GRAP2: variants seen among roughly 807,000 people sequenced by gnomAD.
GRAP2 encodes GRB2 related adaptor protein 2, also known as GRB2-related adapter protein 2.
GRAP2 carries 31 observed loss-of-function variants against 43.5 expected under a neutral mutation model. The observed-to-expected ratio is 0.71, with a 90% CI of 0.54 to 0.96. The LOEUF (loss-of-function observed/expected upper bound fraction) is 0.96. Ranked by LOEUF, GRAP2 falls within the 40% of genes least tolerant of loss-of-function variation. GRAP2 has a pLI of 0.00. For missense variants in GRAP2, 371 were observed against 424.4 expected, an observed-to-expected ratio of 0.87 and a Z score of 1.11; for synonymous variants, 156 against 164.8, an observed-to-expected ratio of 0.95 and a Z score of 0.41.
intron 5 of GRAP2, among the ~76,000 whole-genome samples, chr22:39,966,952 C>T (rs140880503): frequency 6.6e-6 from 1 of 151,900 alleles, no homozygotes; most frequent in African/African-American, 2.4e-5. Flanking sequence ...ACACTAAGAA[C>T]ATGTTAACTT....
intron 1 of GRAP2, among the ~76,000 whole-genome samples, chr22:39,938,143 C>G (rs952080806): frequency 4.6e-5 from 7 of 152,170 alleles, no homozygotes; most frequent in Admixed American, 2.0e-4. Flanking sequence ...AGTCTCCTGA[C>G]TTGTCTTCTT....
At chr22:39,970,432 T>A (rs1485630892) in intron 7 of GRAP2, among the ~76,000 whole-genome samples, 1 of 152,140 alleles carries the variant, frequency 6.6e-6, no homozygotes, top group Non-Finnish European at 1.5e-5. Context: ...AGGGCTGTTG[T>A]TTGGGGCATG....
At chr22:39,900,576 AAG>A, upstream of GRAP2, among the ~76,000 whole-genome samples, 1 of 152,356 alleles carries the variant, frequency 6.6e-6, no homozygotes, top group African/African-American at 2.4e-5. Flanking sequence ...CCTTCAGTCT[AAG>A]ACTCAACAGA....
chr22:39,955,035 G>T (rs1317105075), intron 2 of GRAP2, among the ~76,000 whole-genome samples: 1 of 152,182 alleles, frequency 6.6e-6, no homozygotes, highest in Non-Finnish European at 1.5e-5. Flanking sequence ...GTTTTAATCT[G>T]CCTGTTTAAA....
chr22:39,971,217 A>G lies in GRAP2; in HGVS notation c.*133A>G. On this transcript the variant is annotated 3_prime_UTR_variant, in exon 8 of 8. Coordinates refer to ENST00000344138, the MANE Select transcript of GRAP2 (RefSeq NM_004810.4). The stretch of plus-strand genomic sequence containing the variant: ...CCTGTGTACACACACAACTTTTTAT[A>G]CTAGTAATTTATTGGCAATTGGGCT... The G allele has an allele frequency of 1.6e-6, 1 of 642,076 alleles. No homozygotes were observed. 39.8% of individuals were successfully genotyped at this position (642,076 alleles called of 1,614,324 possible).
intron 1 of GRAP2, among the ~76,000 whole-genome samples, chr22:39,916,228 C>T (rs1361959128): frequency 2.6e-5 from 4 of 152,254 alleles, no homozygotes; most frequent in Non-Finnish European, 4.4e-5. Context: ...CTGCCACAGC[C>T]CCCTCCCCCA....
At chr22:39,912,473 C>G (rs1352516156) in intron 1 of GRAP2, among the ~76,000 whole-genome samples, 1 of 152,082 alleles carries the variant, frequency 6.6e-6, no homozygotes. Context: ...AGGGGTTCTC[C>G]CCCACTCCCA....
chr22:39,970,515 A>C (rs554105658), intron 7 of GRAP2, among the ~76,000 whole-genome samples: 1 of 152,168 alleles, frequency 6.6e-6, no homozygotes. Flanking sequence ...CAGGGAGTCT[A>C]TTGGGGCTTT....
At chr22:39,939,735 C>A (rs1198907941) in intron 1 of GRAP2, among the ~76,000 whole-genome samples, 2 of 152,158 alleles carry the variant, frequency 1.3e-5, no homozygotes, top group East Asian at 3.9e-4. Context: ...ATGGCGAAAC[C>A]CCATCTCTAC....
intron 4 of GRAP2, chr22:39,964,566 A>T (rs1481613386): frequency 1.2e-6 from 1 of 817,626 alleles, no homozygotes; most frequent in Non-Finnish European, 2.2e-6. Flanking sequence ...CTGGCAAAAA[A>T]TAAGCTGTTC....
chr22:39,973,609 T>G lies in GRAP2; in HGVS notation c.*2525T>G, dbSNP rs1012326199. The G allele has an allele frequency of 1.3e-5, 2 of 152,254 alleles. No individual in the cohort carries two copies. The highest frequency in any genetic ancestry group is 4.8e-5 in the African/African-American group (2 of 41,446). The allele number at this position is 152,254 out of a possible 1,614,324, so 9.4% of individuals were successfully genotyped here. A position where few individuals can be genotyped will look rare whatever the true frequency, so the allele number is the denominator to read the frequency against. On this transcript the variant is annotated 3_prime_UTR_variant, in exon 8 of 8. Coordinates refer to ENST00000344138, the MANE Select transcript of GRAP2 (RefSeq NM_004810.4). ...AGTCACCCAAACCACCTACAAGGAATGAGGGCTCTTAGCGGCCAGGTAAAG... is the reference window on the plus strand; with the variant it reads ...AGTCACCCAAACCACCTACAAGGAAGGAGGGCTCTTAGCGGCCAGGTAAAG...
intron 1 of GRAP2, among the ~76,000 whole-genome samples, chr22:39,904,976 GGT>G (rs2066513962): frequency 6.6e-6 from 1 of 152,004 alleles, no homozygotes. Context: ...TTTTTTGCAA[GGT>G]GCCACTGGGT....
rs778529306 is a variant in GRAP2, at chr22:39,955,836, G to A, written c.96G>A (p.Glu32=). The change falls in exon 3 of 8, where the codon GAG becomes GAA. Residue 32 remains glutamate, a synonymous_variant. Coordinates refer to ENST00000344138, the MANE Select transcript of GRAP2 (RefSeq NM_004810.4). ...GDVLKILSNQ[E]EWFKAELGSQ... Reference sequence around the variant, plus strand: ...CCATGTAGATTTTAAGTAACCAAGAGGAGTGGTTTAAGGCGGAGCTTGGGA... The same window carrying A: ...CCATGTAGATTTTAAGTAACCAAGAAGAGTGGTTTAAGGCGGAGCTTGGGA... 4.5e-6 allele frequency: 7 copies of A among 1,559,424 alleles called. No homozygotes were observed. In the Admixed American group the frequency reaches 1.0e-4, roughly 22 times the overall value.
intron 1 of GRAP2, among the ~76,000 whole-genome samples, chr22:39,935,484 C>G (rs1490245848): frequency 2.0e-5 from 3 of 152,052 alleles, no homozygotes; most frequent in Non-Finnish European, 4.4e-5. Flanking sequence ...GGTGTTGAAC[C>G]AAACTCAAAT....
At position 39,970,917 on chromosome 22, in the gene GRAP2, G is replaced by C. The variant is rs1335478207; in HGVS notation, c.826G>C (p.Ala276Pro). Residue 276 changes from alanine (A) to proline (P), a missense_variant, in exon 8 of 8, where the codon GCC (alanine) becomes CCC (proline). Transcript: ENST00000344138. ...CTTCCCCCAACAGCGAGTGCGGTGG[G>C]CCCGGGCGCTGTATGACTTTGAGGC... ...QLQAAGRVRWARALYDFEALE... is the reference protein window; with the variant it reads ...QLQAAGRVRWPRALYDFEALE... The C allele has an allele frequency of 6.2e-7, 1 of 1,607,352 alleles. No individual in the cohort carries two copies. Among genetic ancestry groups the C allele is most frequent in the African/African-American group, 1.3e-5 (1 of 74,546 alleles).
intron 6 of GRAP2, 118 bp from the exon 7 acceptor site, chr22:39,969,293 T>C (rs556752510): frequency 7.0e-6 from 8 of 1,145,602 alleles, no homozygotes; most frequent in Non-Finnish European, 2.6e-6. Flanking sequence ...ATTGTCATTA[T>C]CAGTAAGTAT....
At chr22:39,922,983 A>G (rs899426699) in intron 1 of GRAP2, among the ~76,000 whole-genome samples, 6 of 151,944 alleles carry the variant, frequency 3.9e-5, no homozygotes, top group Non-Finnish European at 5.9e-5. Flanking sequence ...CGGAGGTTGC[A>G]GTGAGCCGAG....
intron 2 of GRAP2, chr22:39,947,453 C>CT (rs2066935761): frequency 2.2e-6 from 1 of 449,928 alleles, no homozygotes; most frequent in Non-Finnish European, 4.1e-6. Context: ...ATGTTCTTGG[C>CT]TAAGTTCTCA....
chr22:39,946,135 A>G lies in GRAP2; in HGVS notation c.-14-958A>G, dbSNP rs112298731. Among the ~76,000 whole-genome samples the G allele has an allele frequency of 3.8e-3, 578 of 152,360 alleles. 2 individuals carry two copies. Among genetic ancestry groups the G allele is most frequent in the African/African-American group, 0.014 (563 of 41,588 alleles). On this transcript the variant is annotated intron_variant, in intron 1 of 7. Coordinates refer to ENST00000344138, the MANE Select transcript of GRAP2 (RefSeq NM_004810.4). ...CTCGACCTCCCAAAGTGCTGGGATT[A>G]CAGGCATGAGCCACAGCGCCCGGCC... is the stretch of plus-strand genomic sequence containing the variant.
Sources: allele counts gnomAD v4.1 joint callset (sites outside exome capture counted in the v4.1 genomes callset), GRCh38; gene constraint gnomAD v4.1.1; transcripts MANE v1.5; gene names NCBI Gene and HGNC (gene_info 2026-07-23, HGNC 2026-07-21).